TRIM22: variants seen among roughly 807,000 people sequenced by gnomAD.
The protein encoded by TRIM22 is E3 ubiquitin-protein ligase TRIM22.
In TRIM22, 45 loss-of-function variants were observed where a neutral mutation model predicts 53.6. The observed-to-expected ratio is 0.84, with a 90% CI of 0.66 to 1.08. The LOEUF is 1.08. Among genes scored for constraint, TRIM22 ranks in the 50% least tolerant of loss-of-function variants. The pLI is 0.00. For synonymous variants in TRIM22, 225 were observed against 216.6 expected (o/e 1.04, Z -0.34); for missense variants, 616 against 590.9 (o/e 1.04, Z -0.44).
intron 4 of TRIM22, among the ~76,000 whole-genome samples, chr11:5,702,606 TC>T (rs1338610271): frequency 2.0e-5 from 3 of 152,090 alleles, no homozygotes; most frequent in Admixed American, 6.6e-5. Flanking sequence ...GAGCAGAGTA[TC>T]CTCAATCTTG....
chr11:5,700,407 G>A (rs906980793), intron 4 of TRIM22, among the ~76,000 whole-genome samples: 8 of 151,808 alleles, frequency 5.3e-5, no homozygotes, highest in Admixed American at 1.3e-4. Flanking sequence ...GAGCCACCGC[G>A]CCTGGCCAGC....
chr11:5,703,348 G>A (rs1853402277), intron 4 of TRIM22, among the ~76,000 whole-genome samples: 1 of 151,970 alleles, frequency 6.6e-6, no homozygotes, highest in Admixed American at 6.6e-5. Context: ...GCCTCCAGCT[G>A]CATCCATGTT....
At chr11:5,704,117 T>C (rs2134181121) in intron 4 of TRIM22, among the ~76,000 whole-genome samples, 1 of 152,354 alleles carries the variant, frequency 6.6e-6, no homozygotes, top group East Asian at 1.9e-4. Context: ...GAGCTACTGT[T>C]AGACCCAGCA....
intron 4 of TRIM22, among the ~76,000 whole-genome samples, chr11:5,704,113 C>A (rs1853419654): frequency 6.6e-6 from 1 of 152,232 alleles, no homozygotes; most frequent in Admixed American, 6.5e-5. Flanking sequence ...AACAGAGCTA[C>A]TGTTAGACCC....
chr11:5,696,916 C>T (rs757834619), intron 2 of TRIM22: 1 of 523,966 alleles, frequency 1.9e-6, no homozygotes. Flanking sequence ...TTTCATTGCC[C>T]CTCCAAGAAG....
rs1373085097 is a variant in TRIM22 at position 5,709,462 on chromosome 11, T to G, written c.1311T>G (p.Ala437=). The G allele has an allele frequency of 2.5e-6, 4 of 1,614,254 alleles. No individual in the cohort carries two copies. The South Asian group carries it at 4.4e-5, about 18-fold the overall frequency. ...SDPKVLTLFM[A]VPPCRIGVFL... is the part of the protein sequence containing the mutation. ...CCAAGGTTTTGACTCTCTTTATGGC[T>G]GTGCCTCCCTGTCGTATTGGGGTTT... The change falls in exon 8 of 8, where the codon GCT becomes GCG. Residue 437 remains alanine (A), a synonymous_variant. Coordinates refer to ENST00000379965, the MANE Select transcript of TRIM22 (RefSeq NM_006074.5).
chr11:5,690,400 T>C (rs1199034697), intron 1 of TRIM22, among the ~76,000 whole-genome samples: 3 of 152,166 alleles, frequency 2.0e-5, no homozygotes, highest in African/African-American at 4.8e-5. Flanking sequence ...CTAGACTCAG[T>C]TGGCTAAACA....
chr11:5,706,495 A>T, intron 4 of TRIM22, 99 bp from the exon 5 acceptor site: 2 of 1,098,016 alleles, frequency 1.8e-6, no homozygotes, highest in Non-Finnish European at 2.7e-6. Flanking sequence ...TATATAACAA[A>T]AAATATATTG....
chr11:5,694,590 T>C (rs1046734555), intron 1 of TRIM22, among the ~76,000 whole-genome samples: 2 of 152,228 alleles, frequency 1.3e-5, no homozygotes, highest in African/African-American at 2.4e-5. Context: ...TTGGGGACAA[T>C]ACATTCACTC....
intron 1 of TRIM22, among the ~76,000 whole-genome samples, chr11:5,692,675 C>G (rs1853191078): frequency 6.6e-6 from 1 of 151,906 alleles, no homozygotes; most frequent in Non-Finnish European, 1.5e-5. Context: ...GGCCAGGCAC[C>G]TGGTGGCTTG....
rs188482705 is a variant in TRIM22 at position 5,707,186 on chromosome 11, G to T, written c.773+570G>T. On this transcript the variant is annotated intron_variant, in intron 5 of 7. Coordinates refer to ENST00000379965, the MANE Select transcript of TRIM22 (RefSeq NM_006074.5). ...GTGTCTAAAGTTGCCCACCTACTTG[G>T]CAACATCAAAGTTTTTTTAAACACA... Among the ~76,000 whole-genome samples, 547 of 152,156 alleles carry T rather than the reference G, an allele frequency of 3.6e-3. 4 individuals carry two copies. The highest frequency in any genetic ancestry group is 5.9e-3 in the Non-Finnish European group (404 of 68,004).
chr11:5,709,449 C>T lies in TRIM22; in HGVS notation c.1298C>T (p.Thr433Ile). ...TCCTCTTCTGATCCCAAGGTTTTGA[C>T]TCTCTTTATGGCTGTGCCTCCCTGT... is the stretch of plus-strand genomic sequence containing the variant. ...DSSSSDPKVL[T>I]LFMAVPPCRI... The change falls in exon 8 of 8, where the codon ACT (threonine) becomes ATT (isoleucine). Residue 433 changes from threonine (T) to isoleucine (I), a missense_variant. Transcript: ENST00000379965. 2 of 1,614,148 alleles carry T rather than the reference C, an allele frequency of 1.2e-6. No individual in the cohort carries two copies. The highest frequency in any genetic ancestry group is 1.7e-6 in the Non-Finnish European group (2 of 1,180,020).
intron 4 of TRIM22, among the ~76,000 whole-genome samples, chr11:5,701,136 T>TC (rs1414736921): frequency 6.6e-6 from 1 of 152,230 alleles, no homozygotes; most frequent in African/African-American, 2.4e-5. Flanking sequence ...GCATCTGTGT[T>TC]CATGAGAGAT....
At chr11:5,708,140 G>C (rs374877260) in intron 5 of TRIM22, 33 bp from the exon 6 acceptor site, 1 of 1,518,922 alleles carries the variant, frequency 6.6e-7, no homozygotes, top group Non-Finnish European at 9.1e-7. Context: ...ATAGGGCAAA[G>C]GTGTAAAGGT....
At chr11:5,705,428 T>C (rs1157565902) in intron 4 of TRIM22, among the ~76,000 whole-genome samples, 1 of 152,200 alleles carries the variant, frequency 6.6e-6, no homozygotes, top group African/African-American at 2.4e-5. Flanking sequence ...AAGATGTAGC[T>C]ATGAGTAAAA....
intron 3 of TRIM22, chr11:5,698,014 T>G: frequency 1.3e-5 from 4 of 301,804 alleles, no homozygotes; most frequent in Non-Finnish European, 2.6e-5. Context: ...GGTAGAGGGA[T>G]TTAAGATACA....
intron 1 of TRIM22, among the ~76,000 whole-genome samples, chr11:5,691,684 C>G (rs73402277): frequency 0.02 from 3,006 of 152,234 alleles, 104 homozygotes; most frequent in African/African-American, 0.069. Context: ...CATGAGTTAC[C>G]TCAACTCCCT....
At position 5,699,232 on chromosome 11, in the gene TRIM22, T is replaced by A. The variant is rs1016754403; in HGVS notation, c.750+687T>A. 4.0e-5 allele frequency among the ~76,000 whole-genome samples: 6 copies of A among 149,518 alleles called. 1 individual carries two copies. Among genetic ancestry groups the A allele is most frequent in the Non-Finnish European group, 8.8e-5 (6 of 67,860 alleles). On this transcript the variant is annotated intron_variant, in intron 4 of 7. Coordinates refer to ENST00000379965, the MANE Select transcript of TRIM22 (RefSeq NM_006074.5). ...TTATCTTGAGTAGATTTTAAGAGTG[T>A]TGTATGTTGTGGCCGGGCGCGGTGG...
intron 1 of TRIM22, 69 bp from the exon 2 acceptor site, chr11:5,696,098 T>C: frequency 1.3e-6 from 1 of 753,872 alleles, no homozygotes; most frequent in Non-Finnish European, 2.1e-6. Flanking sequence ...TGTCCTGTTC[T>C]AAATCTCTGT....
Sources: allele counts gnomAD v4.1 joint callset (sites outside exome capture counted in the v4.1 genomes callset), GRCh38; gene constraint gnomAD v4.1.1; transcripts MANE v1.5; gene names NCBI Gene and HGNC (gene_info 2026-07-23, HGNC 2026-07-21).